Variants in GAS2 observed in about 807,000 individuals in gnomAD.
The protein encoded by GAS2 is growth arrest-specific protein 2.
In GAS2, 20 loss-of-function variants were observed where a neutral mutation model predicts 37.5. That is an observed-to-expected ratio of 0.53 (90% CI 0.37 to 0.77). The LOEUF (loss-of-function observed/expected upper bound fraction) is 0.77. Among genes scored for constraint, GAS2 ranks in the 30% least tolerant of loss-of-function variants. GAS2 has a pLI of 0.00. For missense variants in GAS2, 336 were observed against 373.4 expected (o/e 0.90, Z 0.82); for synonymous variants, 144 against 132.2 (o/e 1.09, Z -0.61).
chr11:22,786,631 C>T (rs549799518), intron 7 of GAS2, among the ~76,000 whole-genome samples: 15 of 152,050 alleles, frequency 9.9e-5, no homozygotes, highest in African/African-American at 3.4e-4. Context: ...TTGTATCTAC[C>T]GTTTACTTCT....
In GAS2 at chr11:22,796,829, G is replaced by C. The variant is rs77144443; in HGVS notation, c.724-14969G>C. On this transcript the variant is annotated intron_variant, in intron 7 of 7. Transcript: ENST00000454584. ...TGTTTAGAAGAGATAATGGAATTCAGATTGAATCAGGCAAATGTGGCCCTG... is the reference window on the plus strand; with the variant it reads ...TGTTTAGAAGAGATAATGGAATTCACATTGAATCAGGCAAATGTGGCCCTG... 1.9e-3 allele frequency among the ~76,000 whole-genome samples: 292 copies of C among 152,128 alleles called. 1 individual carries two copies. Among genetic ancestry groups the C allele is most frequent in the African/African-American group, 6.5e-3 (271 of 41,526 alleles).
At chr11:22,810,942 G>A (rs1427163384) in intron 7 of GAS2, among the ~76,000 whole-genome samples, 1 of 152,164 alleles carries the variant, frequency 6.6e-6, no homozygotes. Context: ...GTGCCCGTAT[G>A]TATCCATAAC....
At chr11:22,703,400 A>G (rs969392822) in intron 3 of GAS2, among the ~76,000 whole-genome samples, 2 of 152,300 alleles carry the variant, frequency 1.3e-5, no homozygotes, top group African/African-American at 2.4e-5. Context: ...CTCTCACCCT[A>G]TGGAAAATGG....
chr11:22,740,412 C>T (rs956502461), intron 5 of GAS2, among the ~76,000 whole-genome samples: 1 of 152,006 alleles, frequency 6.6e-6, no homozygotes, highest in African/African-American at 2.4e-5. Context: ...TAAATTTGGC[C>T]TTTTATCTTC....
intron 3 of GAS2, among the ~76,000 whole-genome samples, chr11:22,701,979 T>C (rs1305810036): frequency 6.6e-6 from 1 of 152,200 alleles, no homozygotes; most frequent in Non-Finnish European, 1.5e-5. Context: ...TTTCACACTT[T>C]TAAGATTATT....
chr11:22,663,400 C>T (rs1167812374), upstream of GAS2, among the ~76,000 whole-genome samples: 9 of 149,108 alleles, frequency 6.0e-5, no homozygotes, highest in Non-Finnish European at 1.3e-4. Context: ...TGCAATAGCC[C>T]TTCTCAAAAA....
At position 22,771,480 on chromosome 11, in the gene GAS2, C is replaced by T. The variant is rs1039584326; in HGVS notation, c.723+15527C>T. 5.9e-5 allele frequency among the ~76,000 whole-genome samples: 9 copies of T among 152,276 alleles called. No homozygotes were observed. The South Asian group carries it at 1.0e-3, about 18-fold the overall frequency. ...TTTTTGCTCCTGACACCATACCAAACTTCCAGATGTATCAGTCATGTTTTA... is the reference window on the plus strand; with the variant it reads ...TTTTTGCTCCTGACACCATACCAAATTTCCAGATGTATCAGTCATGTTTTA... On this transcript the variant is annotated intron_variant, in intron 7 of 7. Coordinates refer to ENST00000454584, the MANE Select transcript of GAS2 (RefSeq NM_001143830.3).
intron 7 of GAS2, among the ~76,000 whole-genome samples, chr11:22,777,789 G>T (rs546767031): frequency 6.6e-6 from 1 of 152,248 alleles, no homozygotes; most frequent in Admixed American, 6.5e-5. Flanking sequence ...TAACCTGAAG[G>T]CATTACACGG....
At position 22,698,136 on chromosome 11, in the gene GAS2, A is replaced by G. The variant is rs576526773; in HGVS notation, c.267+12347A>G. The stretch of plus-strand genomic sequence containing the variant: ...TAGACCGCTAGCAAGACTAATAAAG[A>G]AGAAAAGAGAGAAGAATCAAATAGA... On this transcript the variant is annotated intron_variant, in intron 3 of 7. Coordinates refer to ENST00000454584, the MANE Select transcript of GAS2 (RefSeq NM_001143830.3). 2.2e-4 allele frequency among the ~76,000 whole-genome samples: 34 copies of G among 152,290 alleles called. No homozygotes were observed. The South Asian group carries it at 6.4e-3, about 29-fold the overall frequency.
intron 5 of GAS2, among the ~76,000 whole-genome samples, chr11:22,741,464 A>G (rs1313096200): frequency 6.6e-6 from 1 of 151,890 alleles, no homozygotes; most frequent in East Asian, 1.9e-4. Context: ...GAAGTAAAAA[A>G]AAAACTTTTG....
intron 2 of GAS2, among the ~76,000 whole-genome samples, chr11:22,676,733 T>C (rs1310207827): frequency 6.6e-6 from 1 of 151,806 alleles, no homozygotes; most frequent in Non-Finnish European, 1.5e-5. Context: ...TATTCTTTTT[T>C]TCAACAAACA....
intron 7 of GAS2, among the ~76,000 whole-genome samples, chr11:22,768,516 C>T (rs1854813023): frequency 6.6e-6 from 1 of 152,172 alleles, no homozygotes; most frequent in African/African-American, 2.4e-5. Context: ...GGAAAACTGC[C>T]TTCTCTCTAG....
chr11:22,653,035 C>CTTTCTTTCTT (rs562393334), intron 1 of GAS2, among the ~76,000 whole-genome samples: 22 of 7,622 alleles, frequency 2.9e-3, no homozygotes, highest in East Asian at 8.9e-3. Context: ...TTCTTTCTTT[C>CTTTCTTTCTT]TCTTTCTTTC....
At chr11:22,787,059 C>T (rs1454198478) in intron 7 of GAS2, among the ~76,000 whole-genome samples, 1 of 152,084 alleles carries the variant, frequency 6.6e-6, no homozygotes, top group African/African-American at 2.4e-5. Flanking sequence ...TTTTTCTTCA[C>T]CACCATGAAA....
chr11:22,635,586 G>A (rs183410651), intron 1 of GAS2, among the ~76,000 whole-genome samples: 12 of 152,308 alleles, frequency 7.9e-5, no homozygotes, highest in Middle Eastern at 3.4e-3. Flanking sequence ...CTGTCGGCCT[G>A]CAGACCTGGA....
At chr11:22,769,366 A>C (rs1854857413) in intron 7 of GAS2, among the ~76,000 whole-genome samples, 1 of 152,218 alleles carries the variant, frequency 6.6e-6, no homozygotes, top group African/African-American at 2.4e-5. Context: ...TTTCCCCAAC[A>C]TCTTGTAACA....
chr11:22,647,282 A>G (rs1407125180), intron 1 of GAS2, among the ~76,000 whole-genome samples: 6 of 151,914 alleles, frequency 3.9e-5, no homozygotes, highest in Admixed American at 6.6e-5. Context: ...ATAGTATTCC[A>G]TGGTGTATAT....
In GAS2 at chr11:22,675,025, A is replaced by G. The variant is rs751285443; in HGVS notation, c.145+11A>G. Reference sequence around the variant, plus strand: ...TAACCAATCTATTAGGTAAGGTTATAAGATCTCATTTTGTGAGCAAAGACA... The same window carrying G: ...TAACCAATCTATTAGGTAAGGTTATGAGATCTCATTTTGTGAGCAAAGACA... On this transcript the variant is annotated intron_variant, in intron 2 of 7. Coordinates refer to ENST00000454584, the MANE Select transcript of GAS2 (RefSeq NM_001143830.3). 6.8e-6 allele frequency: 11 copies of G among 1,611,524 alleles called. No individual in the cohort carries two copies. The highest frequency in any genetic ancestry group is 8.5e-6 in the Non-Finnish European group (10 of 1,178,908).
intron 1 of GAS2, among the ~76,000 whole-genome samples, chr11:22,637,908 A>G: frequency 6.6e-6 from 1 of 151,432 alleles, no homozygotes; most frequent in East Asian, 1.9e-4. Context: ...AATTGGATTA[A>G]GACAGACCTT....
Sources: allele counts gnomAD v4.1 joint callset (sites outside exome capture counted in the v4.1 genomes callset), GRCh38; gene constraint gnomAD v4.1.1; transcripts MANE v1.5; gene names NCBI Gene and HGNC (gene_info 2026-07-23, HGNC 2026-07-21).